Variants in NT5C1B observed in about 807,000 individuals in gnomAD.
NT5C1B encodes 5'-nucleotidase, cytosolic IB.
Under a neutral mutation model 57.8 loss-of-function variants are expected in NT5C1B, and 44 were observed. The ratio of observed to expected loss-of-function variants is 0.76; its 90% CI spans 0.60 to 0.98. The LOEUF (loss-of-function observed/expected upper bound fraction) is 0.98, where lower values mean the gene tolerates loss of function less well. NT5C1B is among the 50% of genes least tolerant of loss of function. The pLI is 0.00. For synonymous variants in NT5C1B, 284 were observed against 282.6 expected (o/e 1.00, Z -0.05); for missense variants, 742 against 719.5 (o/e 1.03, Z -0.36).
intron 6 of NT5C1B, among the ~76,000 whole-genome samples, chr2:18,580,282 G>T (rs1315324076): frequency 6.6e-6 from 1 of 152,050 alleles, no homozygotes; most frequent in Admixed American, 6.6e-5. Flanking sequence ...CCCATTGCTG[G>T]GTATATACCC....
At chr2:18,589,059 A>C (rs777274011) in intron 1 of NT5C1B, among the ~76,000 whole-genome samples, 1 of 152,092 alleles carries the variant, frequency 6.6e-6, no homozygotes, top group Non-Finnish European at 1.5e-5. Context: ...TTTTGTACAT[A>C]CTTTTATGGA....
At chr2:18,563,807 A>T in exon 9 of NT5C1B, 1 of 1,553,172 alleles carries the variant, frequency 6.4e-7, no homozygotes, top group Admixed American at 1.9e-5. Flanking sequence ...TAACTACTGA[A>T]TTTTTTATTA....
intron 5 of NT5C1B, chr2:18,583,425 GTC>G (rs1224096734): frequency 1.1e-5 from 2 of 184,104 alleles, no homozygotes; most frequent in Non-Finnish European, 1.2e-5. Flanking sequence ...CATGCAAATC[GTC>G]TCTCTTTTGT....
At chr2:18,587,313 G>T in intron 2 of NT5C1B, 190 bp downstream of exon 2, 1 of 1,474,714 alleles carries the variant, frequency 6.8e-7, no homozygotes, top group Non-Finnish European at 9.0e-7. Flanking sequence ...TGAACACTAG[G>T]GTATGGATGG....
At chr2:18,583,453 T>C (rs1271785320) in intron 5 of NT5C1B, 3 of 197,594 alleles carry the variant, frequency 1.5e-5, no homozygotes, top group African/African-American at 4.7e-5. Context: ...TTTTAGTATA[T>C]ATTCTGTCAG....
intron 2 of NT5C1B, chr2:18,586,856 A>G: frequency 1.0e-5 from 15 of 1,459,788 alleles, no homozygotes; most frequent in South Asian, 4.1e-5. Flanking sequence ...GGAGCCCTCA[A>G]GCTTTTCTTT....
chr2:18,586,617 AT>A, intron 2 of NT5C1B: 1 of 680,092 alleles, frequency 1.5e-6, no homozygotes, highest in Non-Finnish European at 2.4e-6. Context: ...TTGAAAGAGC[AT>A]CCAAAACCAA....
rs113101936 is a variant in NT5C1B at position 18,584,552 on chromosome 2, A to G, written c.685T>C (p.Phe229Leu). ...GAGCAGCTCGGGTTCTTCTCGTAGA[A>G]CGACCTCATGGATGCCCAGTAGGCA... The change falls in exon 4 of 9, where the codon TTC (phenylalanine) becomes CTC (leucine). Residue 229 changes from phenylalanine to leucine, a missense_variant. Coordinates refer to ENST00000304081, the Ensembl canonical transcript of NT5C1B. The surrounding 1 kb of genome is among the most constrained non-coding windows in gnomAD (Gnocchi z 5.8). The G allele has an allele frequency of 1.1e-5, 17 of 1,612,604 alleles. No homozygotes were observed. The African/African-American group carries it at 1.3e-4, about 13-fold the overall frequency.
At chr2:18,585,593 A>T (rs1401411584) in intron 3 of NT5C1B, among the ~76,000 whole-genome samples, 1 of 152,136 alleles carries the variant, frequency 6.6e-6, no homozygotes. Context: ...ACATAGAATC[A>T]TCTTCCCAAA....
At chr2:18,573,549 G>T (rs1665401367) in intron 8 of NT5C1B, among the ~76,000 whole-genome samples, 1 of 151,908 alleles carries the variant, frequency 6.6e-6, no homozygotes, top group Non-Finnish European at 1.5e-5. Context: ...TCAGTTACTT[G>T]TCACTGTACT....
chr2:18,577,422 C>CAAAAAA (rs371226394), intron 6 of NT5C1B, among the ~76,000 whole-genome samples: 1,654 of 39,760 alleles, frequency 0.042, 74 homozygotes, highest in Admixed American at 0.057. Flanking sequence ...GACTCTGTCT[C>CAAAAAA]AAAAAAAAAA....
At chr2:18,576,200 C>T in exon 8 of NT5C1B, 1 of 1,611,904 alleles carries the variant, frequency 6.2e-7, no homozygotes, top group Non-Finnish European at 8.5e-7. Flanking sequence ...AAGAGGCTTA[C>T]TTTCACATAA....
intron 6 of NT5C1B, among the ~76,000 whole-genome samples, chr2:18,581,791 A>G (rs1186234035): frequency 6.6e-6 from 1 of 152,192 alleles, no homozygotes; most frequent in East Asian, 1.9e-4. Flanking sequence ...TTGTTATAAT[A>G]AAGACCCTGG....
chr2:18,580,281 G>A (rs532743550), intron 6 of NT5C1B, among the ~76,000 whole-genome samples: 21 of 152,292 alleles, frequency 1.4e-4, no homozygotes, highest in African/African-American at 5.1e-4. Context: ...TCCCATTGCT[G>A]GGTATATACC....
chr2:18,587,263 G>T, intron 2 of NT5C1B: 1 of 1,504,972 alleles, frequency 6.6e-7, no homozygotes, highest in African/African-American at 1.4e-5. Flanking sequence ...CCCTGTGTAG[G>T]CTGAGCAGAG....
chr2:18,587,201 T>G (rs1558391551), intron 2 of NT5C1B: 1 of 1,597,642 alleles, frequency 6.3e-7, no homozygotes, highest in South Asian at 1.1e-5. Context: ...AAGTGGTCAA[T>G]GCCATGGCCA....
intron 6 of NT5C1B, among the ~76,000 whole-genome samples, chr2:18,580,924 A>G (rs1666130211): frequency 6.6e-6 from 1 of 152,204 alleles, no homozygotes; most frequent in Non-Finnish European, 1.5e-5. Flanking sequence ...AGCAATAGAC[A>G]TAGGGCCTAC....
intron 6 of NT5C1B, among the ~76,000 whole-genome samples, chr2:18,582,489 C>T (rs1666265779): frequency 6.6e-6 from 1 of 152,144 alleles, no homozygotes; most frequent in Non-Finnish European, 1.5e-5. Flanking sequence ...GAGGTGAAAA[C>T]CTTTAAACCT....
chr2:18,576,870 C>T (rs1488191175), exon 7 of NT5C1B: 1 of 1,613,658 alleles, frequency 6.2e-7, no homozygotes, highest in Admixed American at 1.7e-5. Context: ...TTCCCCCGGT[C>T]AGACAGAAGC....
Sources: gnomAD v4.1 joint callset for allele counts (sites outside exome capture counted in the v4.1 genomes callset) on GRCh38, gnomAD v4.1.1 for gene constraint, Gnocchi (gnomAD v3.1) non-coding constraint, MANE v1.5 for transcripts, NCBI Gene and HGNC (gene_info 2026-07-23, HGNC 2026-07-21) for gene names.